Variants in CARS2 observed in about 807,000 individuals in gnomAD.
CARS2 encodes probable cysteine--tRNA ligase, mitochondrial.
In CARS2, 52 loss-of-function variants were observed where a neutral mutation model predicts 68.8. The ratio of observed to expected loss-of-function variants is 0.76; its 90% CI spans 0.61 to 0.95. The LOEUF (loss-of-function observed/expected upper bound fraction) is 0.95. Ranked by LOEUF, CARS2 falls within the 40% of genes least tolerant of loss-of-function variation. The probability of loss-of-function intolerance (pLI) is 0.00; values close to 1 mark genes in which losing one functional copy is unlikely to be tolerated. For synonymous variants in CARS2, 314 were observed against 303.6 expected, an observed-to-expected ratio of 1.03 and a Z score of -0.36; for missense variants, 780 against 754.2, an observed-to-expected ratio of 1.03 and a Z score of -0.40.
intron 3 of CARS2, among the ~76,000 whole-genome samples, chr13:110,693,109 C>CAAAA (rs776745304): frequency 3.7e-4 from 22 of 59,442 alleles, no homozygotes; most frequent in East Asian, 1.1e-3. Flanking sequence ...GACTCTGTCT[C>CAAAA]AAAAAAAAAA....
chr13:110,689,060 C>G (rs1005689347), intron 3 of CARS2, among the ~76,000 whole-genome samples: 5 of 152,386 alleles, frequency 3.3e-5, no homozygotes, highest in African/African-American at 9.6e-5. Context: ...ACAGTCCAAT[C>G]AATTCCAAAT....
chr13:110,681,775 C>T (rs548157395), intron 6 of CARS2, among the ~76,000 whole-genome samples: 1 of 152,310 alleles, frequency 6.6e-6, no homozygotes, highest in African/African-American at 2.4e-5. Flanking sequence ...CATGAAAAGA[C>T]ACGGAGGAAA....
At chr13:110,659,755 T>C (rs187291183) in intron 9 of CARS2, among the ~76,000 whole-genome samples, 2 of 152,342 alleles carry the variant, frequency 1.3e-5, no homozygotes, top group Non-Finnish European at 2.9e-5. Flanking sequence ...ATGATAATCA[T>C]ATGAGCCTTC....
At chr13:110,661,039 C>G (rs184475671) in intron 9 of CARS2, among the ~76,000 whole-genome samples, 2 of 152,194 alleles carry the variant, frequency 1.3e-5, no homozygotes, top group Non-Finnish European at 2.9e-5. Context: ...GGATTACAAA[C>G]GTGAGCCACT....
At chr13:110,689,617 C>G (rs1322010284) in intron 3 of CARS2, among the ~76,000 whole-genome samples, 1 of 152,196 alleles carries the variant, frequency 6.6e-6, no homozygotes, top group African/African-American at 2.4e-5. Flanking sequence ...GATATTCTAC[C>G]TAGTAATCCC....
chr13:110,667,261 C>T, intron 8 of CARS2, 79 bp downstream of exon 8: 4 of 1,311,344 alleles, frequency 3.1e-6, no homozygotes, highest in South Asian at 1.4e-5. Flanking sequence ...CTATGTATTT[C>T]CAAATGTAGC....
In CARS2 at chr13:110,679,599, G is replaced by GAAAGAAAGAA. The variant is rs1212774128; in HGVS notation, c.656-2497_656-2496insTTCTTTCTTT. On this transcript the variant is annotated intron_variant, in intron 6 of 14. Transcript: ENST00000257347. ...AGAAAGAAAGAAAGAAAGAAAGAAA[G>GAAAGAAAGAA]AGAGAGAGAGAGAGAGAGAGAGAGA... Among the ~76,000 whole-genome samples the GAAAGAAAGAA allele has an allele frequency of 5.7e-3, 230 of 40,142 alleles. 1 individual carries two copies. Among genetic ancestry groups the GAAAGAAAGAA allele is most frequent in the African/African-American group, 0.015 (219 of 15,092 alleles). The allele number at this position is 40,142 out of a possible 152,430, so 26.3% of individuals were successfully genotyped here. A position where few individuals can be genotyped will look rare whatever the true frequency, so the allele number is the denominator to read the frequency against.
chr13:110,681,806 G>A (rs1011476015), intron 6 of CARS2, among the ~76,000 whole-genome samples: 2 of 152,206 alleles, frequency 1.3e-5, no homozygotes, highest in Admixed American at 6.5e-5. Flanking sequence ...ATTCCTAAGT[G>A]AGAGAAGCCA....
Position 110,668,270 on chromosome 13 carries a change from G to A in CARS2, c.786-797C>T, listed in dbSNP as rs112522215. Among the ~76,000 whole-genome samples, 2,542 of 152,286 alleles carry A rather than the reference G, an allele frequency of 0.017. 31 individuals are homozygous for A. The highest frequency in any genetic ancestry group is 0.054 in the Middle Eastern group (16 of 294). ...TAAGACTTTTACATCTTAGCCGGGC[G>A]CGGTGGCTCACGCCTGTAAACACAG... On this transcript the variant is annotated intron_variant, in intron 7 of 14. Coordinates refer to ENST00000257347, the MANE Select transcript of CARS2 (RefSeq NM_024537.4). The surrounding 1 kb of genome is among the most constrained non-coding windows in gnomAD (Gnocchi z 4.1).
intron 9 of CARS2, among the ~76,000 whole-genome samples, chr13:110,659,391 TAG>T (rs1420195040): frequency 2.0e-5 from 3 of 152,226 alleles, no homozygotes; most frequent in African/African-American, 4.8e-5. Flanking sequence ...CAACTCTCAA[TAG>T]AGAGGCTCAA....
At position 110,649,931 on chromosome 13, in the gene CARS2, C is replaced by CTGTTTTTTTTT. The variant is rs1249270267; in HGVS notation, c.1054+1102_1054+1103insAAAAAAAAACA. Among the ~76,000 whole-genome samples the CTGTTTTTTTTT allele has an allele frequency of 1.2e-4, 9 of 73,146 alleles. No homozygotes were observed. In the East Asian group the frequency reaches 2.2e-3, roughly 18 times the overall value. 48.0% of individuals were successfully genotyped at this position (73,146 alleles called of 152,430 possible). ...CCAGGGATGCAGCTCTGGATAACGA[C>CTGTTTTTTTTT]TTTTTTTTTTTTTTTTTTTTTTTTG... On this transcript the variant is annotated intron_variant, in intron 10 of 14. Coordinates refer to ENST00000257347, the MANE Select transcript of CARS2 (RefSeq NM_024537.4).
In CARS2 at chr13:110,701,482, C is replaced by G. The variant is rs1360953723; in HGVS notation, c.349G>C (p.Gly117Arg). 1 of 1,584,412 alleles carries G rather than the reference C, an allele frequency of 6.3e-7. No individual in the cohort carries two copies. The highest frequency in any genetic ancestry group is 1.1e-5 in the South Asian group (1 of 90,538). The change falls in exon 3 of 15, where the codon GGT becomes CGT. Residue 117 changes from glycine (G) to arginine (R), a missense_variant. Transcript: ENST00000257347. ...ATTTTATCATCTACATCTGTAATAC[C>G]CATCACCATGACTATGCTGCATCCA... ...VFGCSIVMVMGITDVDDKIIK... is the reference protein window; with the variant it reads ...VFGCSIVMVMRITDVDDKIIK...
In CARS2 at chr13:110,665,734, G is replaced by A. The variant is rs948887526; in HGVS notation, c.919+1606C>T. ...GGGAGCGCTGAACTGAGCCCTGAAC[G>A]AAGTCAACGAGGAAGTGACTTCGGG... On this transcript the variant is annotated intron_variant, in intron 8 of 14. Transcript: ENST00000257347. The surrounding 1 kb of genome is among the most constrained non-coding windows in gnomAD (Gnocchi z 4.3). 7.1e-6 allele frequency: 7 copies of A among 985,276 alleles called. 1 individual carries two copies. In the South Asian group the frequency reaches 1.4e-4, roughly 20 times the overall value. 61.0% of individuals were successfully genotyped at this position (985,276 alleles called of 1,614,324 possible).
chr13:110,658,371 A>G (rs893525312), intron 9 of CARS2, among the ~76,000 whole-genome samples: 8 of 152,216 alleles, frequency 5.3e-5, no homozygotes, highest in Admixed American at 2.6e-4. Flanking sequence ...GGCCTGGGGA[A>G]AGGGGAAATG....
intron 6 of CARS2, among the ~76,000 whole-genome samples, chr13:110,679,597 A>AAGAAAGAAAGAG (rs1312030282): frequency 2.3e-5 from 1 of 43,696 alleles, no homozygotes; most frequent in African/African-American, 5.4e-5. Context: ...GAAAGAAAGA[A>AAGAAAGAAAGAG]AGAGAGAGAG....
intron 8 of CARS2, chr13:110,664,689 G>A (rs2062599783): frequency 4.2e-6 from 4 of 963,008 alleles, no homozygotes; most frequent in Non-Finnish European, 4.9e-6. Context: ...AGGCCTGAAT[G>A]TTTATGTCCT....
Position 110,647,175 on chromosome 13 carries a change from GA to G in CARS2, c.1118del (p.Phe373SerfsTer9). 3 of 1,613,036 alleles carry G rather than the reference GA, an allele frequency of 1.9e-6. No individual in the cohort carries two copies. Among genetic ancestry groups the G allele is most frequent in the Non-Finnish European group, 2.5e-6 (3 of 1,179,858 alleles). On this transcript the variant is annotated frameshift_variant, in exon 11 of 15. Coordinates refer to ENST00000257347, the MANE Select transcript of CARS2 (RefSeq NM_024537.4). LOFTEE classifies it high-confidence loss of function. Reference protein sequence around the residue: ...AQQLLLGLGSFLEDARAYMKG... With the variant: ...AQQLLLGLGSXLEDARAYMKG... ...TCATGTAGGCACGTGCGTCCTCCAGGAAAGAGCCCAGCCCCAGGAGCAGCTG... is the reference window on the plus strand; with the variant it reads ...TCATGTAGGCACGTGCGTCCTCCAGGAAGAGCCCAGCCCCAGGAGCAGCTG...
In CARS2 at chr13:110,664,974, A is replaced by G. The variant is rs148587754; in HGVS notation, c.920-1456T>C. The G allele has an allele frequency of 6.1e-6, 6 of 978,972 alleles. No individual in the cohort carries two copies. In the African/African-American group the frequency reaches 8.7e-5, roughly 14 times the overall value. 60.6% of individuals were successfully genotyped at this position (978,972 alleles called of 1,614,324 possible). A position where few individuals can be genotyped will look rare whatever the true frequency, so the allele number is the denominator to read the frequency against. ...ACACGCCCGCTTTCAGTTTGGCTAT[A>G]GCAGCCCTAACAGGCTGGGATAGTG... On this transcript the variant is annotated intron_variant, in intron 8 of 14. Transcript: ENST00000257347.
chr13:110,690,397 G>GTT (rs779727905), intron 3 of CARS2, among the ~76,000 whole-genome samples: 1 of 152,116 alleles, frequency 6.6e-6, no homozygotes, highest in Non-Finnish European at 1.5e-5. Context: ...CATGAACGTG[G>GTT]TTATATATAT....
Sources: allele counts gnomAD v4.1 joint callset (sites outside exome capture counted in the v4.1 genomes callset), GRCh38; gene constraint gnomAD v4.1.1; non-coding constraint Gnocchi (gnomAD v3.1); transcripts MANE v1.5; gene names NCBI Gene and HGNC (gene_info 2026-07-23, HGNC 2026-07-21).